Variants in MAN1A1 observed in about 807,000 individuals in gnomAD.
The protein encoded by MAN1A1 is mannosyl-oligosaccharide 1,2-alpha-mannosidase IA.
Under a neutral mutation model 70.8 loss-of-function variants are expected in MAN1A1, and 29 were observed. The observed-to-expected ratio is 0.41, with a 90% CI of 0.31 to 0.56. The LOEUF (loss-of-function observed/expected upper bound fraction) is 0.56, where lower values mean the gene tolerates loss of function less well. Ranked by LOEUF, MAN1A1 falls within the 20% of genes least tolerant of loss-of-function variation. The pLI is 0.29. For missense variants in MAN1A1, 747 were observed against 841.3 expected (o/e 0.89, Z 1.39); for synonymous variants, 349 against 330.1 (o/e 1.06, Z -0.62).
intron 5 of MAN1A1, among the ~76,000 whole-genome samples, chr6:119,279,288 T>G (rs1286952069): frequency 6.6e-6 from 1 of 152,204 alleles, no homozygotes; most frequent in Admixed American, 6.5e-5. Flanking sequence ...TTTTTCCTAC[T>G]GCCTTATATT....
At chr6:119,333,645 T>C (rs1460042541) in intron 2 of MAN1A1, among the ~76,000 whole-genome samples, 1 of 152,190 alleles carries the variant, frequency 6.6e-6, no homozygotes, top group African/African-American at 2.4e-5. Context: ...GGCTATAAAA[T>C]CCTCAACCTC....
At chr6:119,317,957 T>C (rs1413932204) in intron 2 of MAN1A1, among the ~76,000 whole-genome samples, 2 of 152,154 alleles carry the variant, frequency 1.3e-5, no homozygotes, top group African/African-American at 2.4e-5. Flanking sequence ...GGAATATCCG[T>C]TGTCATCTAG....
chr6:119,218,092 T>G (rs1340382518), intron 6 of MAN1A1, among the ~76,000 whole-genome samples: 1 of 152,230 alleles, frequency 6.6e-6, no homozygotes, highest in Non-Finnish European at 1.5e-5. Flanking sequence ...GTGGTCATCC[T>G]AATGGTTTTA....
intron 7 of MAN1A1, among the ~76,000 whole-genome samples, chr6:119,202,845 A>G (rs1198818877): frequency 6.6e-6 from 1 of 152,224 alleles, no homozygotes; most frequent in Admixed American, 6.5e-5. Context: ...TATGGATTGA[A>G]CTGCATACCC....
chr6:119,342,323 A>T (rs1286424444), intron 2 of MAN1A1, among the ~76,000 whole-genome samples: 1 of 152,184 alleles, frequency 6.6e-6, no homozygotes, highest in Non-Finnish European at 1.5e-5. Context: ...CTGAGTTATT[A>T]AACAGCATAT....
chr6:119,187,483 T>C (rs1773321501), intron 11 of MAN1A1, among the ~76,000 whole-genome samples: 1 of 152,236 alleles, frequency 6.6e-6, no homozygotes. Flanking sequence ...TGATGATTAA[T>C]GATAAGACAC....
At position 119,265,696 on chromosome 6, in the gene MAN1A1, G is replaced by A. The variant is rs1313204418; in HGVS notation, c.898-17342C>T. Among the ~76,000 whole-genome samples the A allele has an allele frequency of 7.9e-5, 12 of 152,124 alleles. No homozygotes were observed. In the East Asian group the frequency reaches 2.1e-3, roughly 27 times the overall value. On this transcript the variant is annotated intron_variant, in intron 5 of 12. Transcript: ENST00000368468. ...AAAAATCATAATACGGTGAGAAATAGAAGATTTCCCACTAACATCAAGAAC... is the reference window on the plus strand; with the variant it reads ...AAAAATCATAATACGGTGAGAAATAAAAGATTTCCCACTAACATCAAGAAC...
rs75856724 is a variant in MAN1A1, at chr6:119,199,626, G to A, written c.1210+1628C>T. On this transcript the variant is annotated intron_variant, in intron 8 of 12. Transcript: ENST00000368468. ...AAAATGCTATTAAGAATACAATGGGGGCTGGTGTGGTGGCTCATGCCTGTA... is the reference window on the plus strand; with the variant it reads ...AAAATGCTATTAAGAATACAATGGGAGCTGGTGTGGTGGCTCATGCCTGTA... 5.6e-3 allele frequency among the ~76,000 whole-genome samples: 856 copies of A among 152,096 alleles called. 27 individuals carry two copies. The East Asian group carries it at 0.081, about 14-fold the overall frequency.
At chr6:119,243,972 A>G (rs1413449933) in intron 6 of MAN1A1, among the ~76,000 whole-genome samples, 1 of 152,110 alleles carries the variant, frequency 6.6e-6, no homozygotes, top group African/African-American at 2.4e-5. Flanking sequence ...CAGAGAAGTG[A>G]TAAAATAGTG....
At chr6:119,246,991 A>G (rs1006912995) in intron 6 of MAN1A1, among the ~76,000 whole-genome samples, 3 of 151,718 alleles carry the variant, frequency 2.0e-5, no homozygotes, top group Non-Finnish European at 4.4e-5. Context: ...TCCCCACCCC[A>G]CTCCCCACAC....
At chr6:119,252,522 G>A (rs1775345387) in intron 5 of MAN1A1, among the ~76,000 whole-genome samples, 1 of 152,146 alleles carries the variant, frequency 6.6e-6, no homozygotes, top group African/African-American at 2.4e-5. Flanking sequence ...GGCTGGGCAC[G>A]GGGGCTCATG....
At chr6:119,257,656 G>A (rs1455282037) in intron 5 of MAN1A1, among the ~76,000 whole-genome samples, 1 of 152,174 alleles carries the variant, frequency 6.6e-6, no homozygotes, top group African/African-American at 2.4e-5. Flanking sequence ...CAAGGAAATA[G>A]TATGATAAAA....
intron 2 of MAN1A1, among the ~76,000 whole-genome samples, chr6:119,344,296 G>C (rs1773670462): frequency 6.6e-6 from 1 of 152,192 alleles, no homozygotes; most frequent in Non-Finnish European, 1.5e-5. Flanking sequence ...ACTATCAACA[G>C]CTTACAGAAA....
intron 2 of MAN1A1, among the ~76,000 whole-genome samples, chr6:119,341,782 ATCTC>A (rs993617906): frequency 3.9e-5 from 6 of 152,256 alleles, no homozygotes; most frequent in African/African-American, 9.6e-5. Flanking sequence ...ACTTTACTCG[ATCTC>A]TCTCTCTATT....
chr6:119,226,683 T>A (rs558630288), intron 6 of MAN1A1, among the ~76,000 whole-genome samples: 1 of 152,190 alleles, frequency 6.6e-6, no homozygotes, highest in Admixed American at 6.5e-5. Flanking sequence ...TTTTATTTTT[T>A]AATTTGAGAC....
In MAN1A1 at chr6:119,177,273, C is replaced by T. The variant is rs1366475279; in HGVS notation, c.*2546G>A. On this transcript the variant is annotated 3_prime_UTR_variant, in exon 13 of 13. Coordinates refer to ENST00000368468, the MANE Select transcript of MAN1A1 (RefSeq NM_005907.4). ...AATATAATTTTTAAAAATTATGTGT[C>T]AATCTATTGTTTCCCATAACATTGG... 6.6e-6 allele frequency: 1 copy of T among 151,944 alleles called. No homozygotes were observed. The highest frequency in any genetic ancestry group is 2.4e-5 in the African/African-American group (1 of 41,416). The allele number at this position is 151,944 out of a possible 1,614,324, so 9.4% of individuals were successfully genotyped here.
Position 119,348,602 on chromosome 6 carries a change from T to C in MAN1A1, c.464A>G (p.Lys155Arg). 1 of 1,613,992 alleles carries C rather than the reference T, an allele frequency of 6.2e-7. No individual in the cohort carries two copies. The highest frequency in any genetic ancestry group is 8.5e-7 in the Non-Finnish European group (1 of 1,179,936). The change falls in exon 2 of 13, where the codon AAG becomes AGG. Residue 155 changes from lysine (K) to arginine (R), a missense_variant. Physicochemically the swap from Lys to Arg is conservative, Grantham distance 26 (BLOSUM62 2). This residue lies in a region of MAN1A1 where 328 missense variants were observed against 293.1 expected (regional missense o/e 1.12). Transcript: ENST00000368468. The part of the protein sequence containing the change: ...EIQRDILLEK[K>R]KVAQDQLRDK... ...ACGCAGCTGGTCCTGGGCCACCTTCTTCTTCTCCAGTAGGATGTCTCTTTG... is the reference window on the plus strand; with the variant it reads ...ACGCAGCTGGTCCTGGGCCACCTTCCTCTTCTCCAGTAGGATGTCTCTTTG...
chr6:119,322,968 C>T (rs1773055679), intron 2 of MAN1A1, among the ~76,000 whole-genome samples: 1 of 152,216 alleles, frequency 6.6e-6, no homozygotes, highest in Non-Finnish European at 1.5e-5. Context: ...CCTGACATCA[C>T]AGGACACTGG....
chr6:119,198,681 A>G (rs1773637510), intron 8 of MAN1A1, among the ~76,000 whole-genome samples: 1 of 149,048 alleles, frequency 6.7e-6, no homozygotes, highest in Non-Finnish European at 1.5e-5. Flanking sequence ...GACTGACACA[A>G]TTTCACATTT....
Sources: allele counts gnomAD v4.1 joint callset (sites outside exome capture counted in the v4.1 genomes callset), GRCh38; gene constraint gnomAD v4.1.1; regional missense constraint gnomAD v4.1.1; transcripts MANE v1.5; gene names NCBI Gene and HGNC (gene_info 2026-07-23, HGNC 2026-07-21).